The following CENPC variants were observed in gnomAD, a reference collection of about 807,000 sequenced individuals.
CENPC encodes the protein CENP-C 1.
In CENPC, 63 loss-of-function variants were observed where a neutral mutation model predicts 112.1. That is an observed-to-expected ratio of 0.56 (90% CI 0.46 to 0.69). The LOEUF is 0.69. Among genes scored for constraint, CENPC ranks in the 30% least tolerant of loss-of-function variants. The pLI is 0.00. For missense variants in CENPC, 1,000 were observed against 1,103.8 expected (o/e 0.91, Z 1.33); for synonymous variants, 333 against 367.6 (o/e 0.91, Z 1.08).
intron 12 of CENPC, among the ~76,000 whole-genome samples, chr4:67,504,407 G>T (rs1725678726): frequency 6.6e-6 from 1 of 151,902 alleles, no homozygotes; most frequent in Admixed American, 6.6e-5. Context: ...AAAGTTAAAA[G>T]AATAGTGATT....
In CENPC at chr4:67,518,369, CTAAAAGGT is replaced by C. The variant is rs1387032140; in HGVS notation, c.618-9_618-2del. On this transcript the variant is annotated splice_acceptor_variant and splice_polypyrimidine_tract_variant and intron_variant, in intron 6 of 18. Transcript: ENST00000273853. LOFTEE classifies it high-confidence loss of function. Reference sequence around the variant, plus strand: ...CATAACTTTATCATCAAAGTTTAACCTAAAAGGTTAAAAGGAGGGTAAGCTGAATGCTC... The same window carrying C: ...CATAACTTTATCATCAAAGTTTAACCTAAAAGGAGGGTAAGCTGAATGCTC... The C allele has an allele frequency of 2.0e-6, 3 of 1,519,982 alleles. No individual in the cohort carries two copies. The highest frequency in any genetic ancestry group is 2.6e-6 in the Non-Finnish European group (3 of 1,138,340). 94.2% of individuals were successfully genotyped at this position (1,519,982 alleles called of 1,614,324 possible).
chr4:67,474,908 T>A lies in CENPC; in HGVS notation c.2741A>T (p.Asp914Val). ...HETPYILSTG[D>V]SFYVPSGNYY... The stretch of plus-strand genomic sequence containing the variant: ...CTTACCTGAAGGAACATAGAACGAA[T>A]CCCCAGTACTTAATATATAAGGTGT... Residue 914 changes from aspartate (D) to valine (V), a missense_variant, in exon 18 of 19, where the codon GAT becomes GTT. Physicochemically the swap from Asp to Val is radical, Grantham distance 152. Coordinates refer to ENST00000273853, the MANE Select transcript of CENPC (RefSeq NM_001812.4). 6.3e-7 allele frequency: 1 copy of A among 1,578,888 alleles called. No homozygotes were observed. The highest frequency in any genetic ancestry group is 8.6e-7 in the Non-Finnish European group (1 of 1,156,648).
chr4:67,496,047 T>C (rs1191647344), intron 12 of CENPC, among the ~76,000 whole-genome samples: 1 of 152,146 alleles, frequency 6.6e-6, no homozygotes, highest in Non-Finnish European at 1.5e-5. Context: ...AATCTACAGG[T>C]TCCATCTAGA....
chr4:67,484,314 T>C (rs1725030995), intron 17 of CENPC, among the ~76,000 whole-genome samples: 2 of 152,108 alleles, frequency 1.3e-5, no homozygotes, highest in South Asian at 2.1e-4. Context: ...TAAGACAAAA[T>C]AGCTTAATGA....
chr4:67,531,556 T>C (rs953287696), intron 4 of CENPC, among the ~76,000 whole-genome samples: 1 of 152,220 alleles, frequency 6.6e-6, no homozygotes, highest in Admixed American at 6.5e-5. Flanking sequence ...TGATCTGTGG[T>C]GAACATCTGC....
chr4:67,476,765 T>C (rs781266302), intron 17 of CENPC, among the ~76,000 whole-genome samples: 15 of 152,338 alleles, frequency 9.8e-5, no homozygotes, highest in Non-Finnish European at 1.6e-4. Context: ...GCAGGGAGAC[T>C]TATAGCCTAG....
At chr4:67,485,086 C>T (rs891881081) in intron 17 of CENPC, among the ~76,000 whole-genome samples, 1 of 152,062 alleles carries the variant, frequency 6.6e-6, no homozygotes, top group African/African-American at 2.4e-5. Flanking sequence ...GAGCGAGACT[C>T]CAACTCAAAA....
At chr4:67,537,292 GGTA>G (rs972304829) in intron 4 of CENPC, among the ~76,000 whole-genome samples, 33 of 152,206 alleles carry the variant, frequency 2.2e-4, no homozygotes, top group African/African-American at 7.9e-4. Flanking sequence ...TCATCATCTA[GGTA>G]GTAGTTGTAA....
chr4:67,506,684 GT>G, intron 11 of CENPC, 103 bp downstream of exon 11: 1 of 964,560 alleles, frequency 1.0e-6, no homozygotes, highest in Admixed American at 3.3e-5. Context: ...AACAATAAGT[GT>G]TTTTAAGCTT....
At chr4:67,486,951 T>C (rs1466574379) in intron 17 of CENPC, among the ~76,000 whole-genome samples, 1 of 150,278 alleles carries the variant, frequency 6.7e-6, no homozygotes, top group Non-Finnish European at 1.5e-5. Flanking sequence ...AGATTCAGGT[T>C]TTGTATTTGC....
chr4:67,525,987 A>G (rs1398649869), intron 5 of CENPC, among the ~76,000 whole-genome samples: 1 of 152,242 alleles, frequency 6.6e-6, no homozygotes, highest in Non-Finnish European at 1.5e-5. Flanking sequence ...AATACTAAGC[A>G]GCCATAAAAA....
At chr4:67,495,033 A>T in intron 13 of CENPC, 126 bp downstream of exon 13, 1 of 958,544 alleles carries the variant, frequency 1.0e-6, no homozygotes, top group Non-Finnish European at 1.4e-6. Context: ...GCATAATTTT[A>T]ATTTATCTGC....
rs148401491 is a variant in CENPC at position 67,472,735 on chromosome 4, A to G, written c.2762-60T>C. 7.6e-5 allele frequency: 105 copies of G among 1,388,682 alleles called. No homozygotes were observed. In the African/African-American group the frequency reaches 1.5e-3, roughly 20 times the overall value. The allele number at this position is 1,388,682 out of a possible 1,614,324, so 86.0% of individuals were successfully genotyped here. ...TACATATGAATCATTCTTTTTGATT[A>G]AGTATGTAGTCATCACCTGACAGTT... is the stretch of plus-strand genomic sequence containing the variant. On this transcript the variant is annotated intron_variant, in intron 18 of 18. Coordinates refer to ENST00000273853, the MANE Select transcript of CENPC (RefSeq NM_001812.4).
chr4:67,498,021 A>C (rs1725488414), intron 12 of CENPC, among the ~76,000 whole-genome samples: 1 of 152,112 alleles, frequency 6.6e-6, no homozygotes, highest in Non-Finnish European at 1.5e-5. Context: ...ACTTGAGGCC[A>C]GGAGTTTGAG....
At chr4:67,535,214 A>T (rs533661278) in intron 4 of CENPC, among the ~76,000 whole-genome samples, 12 of 152,216 alleles carry the variant, frequency 7.9e-5, no homozygotes, top group Non-Finnish European at 1.8e-4. Flanking sequence ...CACCCAAATT[A>T]CCCATCATGA....
rs989417137 is a variant in CENPC, at chr4:67,544,318, C to T, written c.19-123G>A. The T allele has an allele frequency of 5.2e-5, 32 of 613,676 alleles. No homozygotes were observed. In the Admixed American group the frequency reaches 9.0e-4, roughly 17 times the overall value. 38.0% of individuals were successfully genotyped at this position (613,676 alleles called of 1,614,324 possible). A position where few individuals can be genotyped will look rare whatever the true frequency, so the allele number is the denominator to read the frequency against. ...CCAAACATCTCCTAAGGGCTCAAAA[C>T]AATTTTGAGGTTATGTTATGACATA... On this transcript the variant is annotated intron_variant, in intron 1 of 18. Coordinates refer to ENST00000273853, the MANE Select transcript of CENPC (RefSeq NM_001812.4).
At chr4:67,529,491 A>G (rs1163967249) in intron 5 of CENPC, among the ~76,000 whole-genome samples, 1 of 151,802 alleles carries the variant, frequency 6.6e-6, no homozygotes, top group East Asian at 1.9e-4. Flanking sequence ...ACGCCTGGCA[A>G]ATTTTGGTAT....
rs959679625 is a variant in CENPC, at chr4:67,514,573, T to C, written c.945A>G (p.Arg315=). The C allele has an allele frequency of 2.5e-6, 4 of 1,610,626 alleles. No homozygotes were observed. The highest frequency in any genetic ancestry group is 1.3e-5 in the African/African-American group (1 of 74,884). The change falls in exon 8 of 19, where the codon AGA becomes AGG. Residue 315 remains arginine (R), a synonymous_variant. Transcript: ENST00000273853. ...CCTTTCTTGGTATTGTAATCCAAGATCTACTGGCAAAACTTTGATCCGACT... is the reference window on the plus strand; with the variant it reads ...CCTTTCTTGGTATTGTAATCCAAGACCTACTGGCAAAACTTTGATCCGACT... ...IDESDQSFAS[R]SWITIPRKAG...
intron 12 of CENPC, among the ~76,000 whole-genome samples, chr4:67,497,383 A>T (rs916353988): frequency 5.3e-5 from 8 of 152,186 alleles, no homozygotes; most frequent in Non-Finnish European, 1.2e-4. Flanking sequence ...GTCTTAAAAA[A>T]AAATTTAAAA....
Sources: gnomAD v4.1 joint callset for allele counts (sites outside exome capture counted in the v4.1 genomes callset) on GRCh38, gnomAD v4.1.1 for gene constraint, MANE v1.5 for transcripts, NCBI Gene and HGNC (gene_info 2026-07-23, HGNC 2026-07-21) for gene names.